BNC2: variants seen among roughly 807,000 people sequenced by gnomAD.
The protein encoded by BNC2 is zinc finger protein basonuclin-2.
In BNC2, 20 loss-of-function variants were observed where a neutral mutation model predicts 76.3. That is an observed-to-expected ratio of 0.26 (90% confidence interval 0.18 to 0.38). BNC2 has a LOEUF of 0.38. Among genes scored for constraint, BNC2 ranks in the 10% least tolerant of loss-of-function variants. The pLI is 1.00. For synonymous variants in BNC2, 582 were observed against 514.8 expected (o/e 1.13, Z -1.77); for missense variants, 1,382 against 1,399.8 (o/e 0.99, Z 0.20).
intron 6 of BNC2, among the ~76,000 whole-genome samples, chr9:16,421,940 CTG>C (rs1443270083): frequency 6.6e-6 from 1 of 152,208 alleles, no homozygotes; most frequent in African/African-American, 2.4e-5. Flanking sequence ...ATCTAGAACT[CTG>C]TTGCTTCTCA....
At chr9:16,463,854 G>A (rs1375628934) in intron 5 of BNC2, among the ~76,000 whole-genome samples, 5 of 151,748 alleles carry the variant, frequency 3.3e-5, no homozygotes, top group African/African-American at 7.3e-5. Context: ...CCAGCACTTC[G>A]GGAGGCCAAG....
intron 1 of BNC2, among the ~76,000 whole-genome samples, chr9:16,822,245 G>A (rs1339324287): frequency 2.6e-5 from 4 of 151,872 alleles, no homozygotes; most frequent in Non-Finnish European, 5.9e-5. Flanking sequence ...ATTAAGTATT[G>A]TACCCTCCTC....
intron 1 of BNC2, among the ~76,000 whole-genome samples, chr9:16,774,201 C>G (rs572687418): frequency 2.6e-5 from 4 of 152,228 alleles, no homozygotes; most frequent in Non-Finnish European, 4.4e-5. Context: ...AGGCTGGTCT[C>G]GAACGCCTGA....
chr9:16,583,929 T>A (rs187388890), intron 3 of BNC2, among the ~76,000 whole-genome samples: 128 of 152,302 alleles, frequency 8.4e-4, no homozygotes, highest in African/African-American at 2.9e-3. Context: ...ATAAAATGAA[T>A]CCATAGAAAA....
intron 3 of BNC2, among the ~76,000 whole-genome samples, chr9:16,658,379 C>T (rs1360662730): frequency 1.3e-5 from 2 of 152,140 alleles, no homozygotes; most frequent in East Asian, 3.8e-4. Flanking sequence ...ATATTTTAGT[C>T]AATGTTCCTA....
intron 1 of BNC2, among the ~76,000 whole-genome samples, chr9:16,801,740 A>AC (rs1296908818): frequency 3.4e-4 from 24 of 70,514 alleles, no homozygotes; most frequent in East Asian, 3.2e-3. Flanking sequence ...TTAAAAAAAA[A>AC]AAAACACACA....
intron 3 of BNC2, among the ~76,000 whole-genome samples, chr9:16,688,226 T>A (rs1349943553): frequency 1.3e-5 from 2 of 152,186 alleles, no homozygotes; most frequent in Non-Finnish European, 2.9e-5. Context: ...AGGCAAACCA[T>A]ATCTCTTTCT....
In BNC2 at chr9:16,411,351, C is replaced by G. The variant is rs1820456589; in HGVS notation, c.*7638G>C. On this transcript the variant is annotated 3_prime_UTR_variant, in exon 7 of 7. Transcript: ENST00000380672. The stretch of plus-strand genomic sequence containing the variant: ...TATACTTTCAATACTATCTACTTCT[C>G]TCCATTTTTCTTAAAATACTTCTTT... 1 of 152,600 alleles carries G rather than the reference C, an allele frequency of 6.6e-6. No homozygotes were observed. Among genetic ancestry groups the G allele is most frequent in the South Asian group, 2.1e-4 (1 of 4,834 alleles). 9.5% of individuals were successfully genotyped at this position (152,600 alleles called of 1,614,324 possible). A position where few individuals can be genotyped will look rare whatever the true frequency, so the allele number is the denominator to read the frequency against.
chr9:16,697,615 G>A (rs1297349212), intron 3 of BNC2, among the ~76,000 whole-genome samples: 1 of 31,634 alleles, frequency 3.2e-5, no homozygotes, highest in African/African-American at 4.9e-5. Context: ...CAGCTAGTTG[G>A]GAGGCTAAGA....
At chr9:16,689,983 C>G (rs536269511) in intron 3 of BNC2, among the ~76,000 whole-genome samples, 1 of 152,174 alleles carries the variant, frequency 6.6e-6, no homozygotes, top group Admixed American at 6.5e-5. Flanking sequence ...TAAATGAATA[C>G]AAAAGCAGAA....
At chr9:16,569,173 C>A (rs1819248884) in intron 4 of BNC2, among the ~76,000 whole-genome samples, 1 of 151,298 alleles carries the variant, frequency 6.6e-6, no homozygotes, top group South Asian at 2.1e-4. Flanking sequence ...CTCCACTGAA[C>A]CTCTACAAAT....
chr9:16,870,198 G>A (rs992009844), intron 1 of BNC2, among the ~76,000 whole-genome samples: 7 of 152,010 alleles, frequency 4.6e-5, no homozygotes, highest in Non-Finnish European at 8.8e-5. Flanking sequence ...TCACTCGGCG[G>A]CAAGTTGTAA....
chr9:16,709,473 A>G (rs1250317712), intron 3 of BNC2, among the ~76,000 whole-genome samples: 1 of 152,226 alleles, frequency 6.6e-6, no homozygotes, highest in Admixed American at 6.5e-5. Context: ...AGAGCTTATC[A>G]AAATAGGAAG....
chr9:16,797,128 C>G (rs1459502904), intron 1 of BNC2, among the ~76,000 whole-genome samples: 2 of 149,188 alleles, frequency 1.3e-5, no homozygotes, highest in East Asian at 3.9e-4. Flanking sequence ...GTGTCTGTCA[C>G]TATTCCTAAA....
chr9:16,534,139 T>C (rs1587140642), intron 5 of BNC2, among the ~76,000 whole-genome samples: 1 of 152,176 alleles, frequency 6.6e-6, no homozygotes, highest in South Asian at 2.1e-4. Context: ...CAAAGAGCTC[T>C]AGATGTGATA....
chr9:16,857,578 A>T (rs1312115984), intron 1 of BNC2, among the ~76,000 whole-genome samples: 2 of 152,108 alleles, frequency 1.3e-5, no homozygotes, highest in Non-Finnish European at 2.9e-5. Flanking sequence ...TTATCCTTAA[A>T]ATACATCATA....
At position 16,727,970 on chromosome 9, in the gene BNC2, C is replaced by T; in HGVS notation, c.157G>A (p.Glu53Lys). ...ESEEAEVDVR[E>K]RETQRDREPK... The stretch of plus-strand genomic sequence containing the variant: ...TCTCTGTCTCTCTGTGTCTCTCTTT[C>T]TCTCACATCCACTTCTGCCTCTTCT... Residue 53 changes from glutamate to lysine, a missense_variant, in exon 3 of 7, where the codon GAA (glutamate) becomes AAA (lysine). By Grantham distance (56) the Glu-to-Lys change is moderately conservative. This residue lies in a region of BNC2 where 557 missense variants were observed against 540.9 expected (regional missense o/e 1.03). Transcript: ENST00000380672. The T allele has an allele frequency of 1.9e-6, 3 of 1,614,008 alleles. No homozygotes were observed. Among genetic ancestry groups the T allele is most frequent in the Non-Finnish European group, 2.5e-6 (3 of 1,180,028 alleles).
At chr9:16,686,500 T>G (rs1461009749) in intron 3 of BNC2, among the ~76,000 whole-genome samples, 1 of 152,200 alleles carries the variant, frequency 6.6e-6, no homozygotes, top group Non-Finnish European at 1.5e-5. Context: ...CTACTCACAC[T>G]AATCATATAT....
chr9:16,590,037 T>C (rs1277450307), intron 3 of BNC2, among the ~76,000 whole-genome samples: 1 of 151,916 alleles, frequency 6.6e-6, no homozygotes, highest in Non-Finnish European at 1.5e-5. Context: ...GGCAGGAGGA[T>C]GGCTTGAGCC....
Sources: gnomAD v4.1 joint callset for allele counts (sites outside exome capture counted in the v4.1 genomes callset) on GRCh38, gnomAD v4.1.1 for gene constraint, gnomAD v4.1.1 regional missense constraint, MANE v1.5 for transcripts, NCBI Gene and HGNC (gene_info 2026-07-23, HGNC 2026-07-21) for gene names.